Variants in DLAT observed in about 807,000 individuals in gnomAD.
The protein encoded by DLAT is dihydrolipoamide S-acetyltransferase.
A neutral mutation model predicts 68.0 loss-of-function variants in DLAT; 43 were observed. That is an observed-to-expected ratio of 0.63 (90% CI 0.50 to 0.81). The LOEUF is 0.81. Ranked by LOEUF, DLAT falls within the 40% of genes least tolerant of loss-of-function variation. The pLI is 0.00. For missense variants in DLAT, 745 were observed against 815.4 expected, an observed-to-expected ratio of 0.91 and a Z score of 1.05; for synonymous variants, 265 against 288.6, an observed-to-expected ratio of 0.92 and a Z score of 0.83.
Position 112,062,860 on chromosome 11 carries a change from A to G in DLAT, c.*325A>G, listed in dbSNP as rs1864720497. 3.0e-6 allele frequency: 1 copy of G among 330,922 alleles called. No homozygotes were observed. The highest frequency in any genetic ancestry group is 5.8e-6 in the Non-Finnish European group (1 of 171,220). 20.5% of individuals were successfully genotyped at this position (330,922 alleles called of 1,614,324 possible). On this transcript the variant is annotated 3_prime_UTR_variant, in exon 14 of 14. Coordinates refer to ENST00000280346, the MANE Select transcript of DLAT (RefSeq NM_001931.5). ...TAGGTAGAATTGTGGTTCCCTAAAG[A>G]CAAGTACATAAAGGTGACCCTGATG...
rs55866523 is a variant in DLAT at position 112,031,885 on chromosome 11, GTTTTTTTTTT to G, written c.661-1498_661-1489del. Among the ~76,000 whole-genome samples the G allele has an allele frequency of 5.7e-4, 26 of 45,390 alleles. 2 individuals carry two copies. In the East Asian group the frequency reaches 7.8e-3, roughly 14 times the overall value. 29.8% of individuals were successfully genotyped at this position (45,390 alleles called of 152,430 possible). ...ATGAGCCACCATGCTGGTCTTTCCT[GTTTTTTTTTT>G]TTTTTTTTTTTTTTTTTTTTGAGAC... On this transcript the variant is annotated intron_variant, in intron 4 of 13. Coordinates refer to ENST00000280346, the MANE Select transcript of DLAT (RefSeq NM_001931.5).
At chr11:112,030,900 T>A (rs782476839) in intron 4 of DLAT, among the ~76,000 whole-genome samples, 1 of 152,250 alleles carries the variant, frequency 6.6e-6, no homozygotes, top group Non-Finnish European at 1.5e-5. Flanking sequence ...TTGCCAGGTG[T>A]TCAGTTCACA....
chr11:112,054,731 A>G (rs960597601), intron 11 of DLAT, among the ~76,000 whole-genome samples: 3 of 152,208 alleles, frequency 2.0e-5, no homozygotes, highest in Admixed American at 6.5e-5. Context: ...ATTAAAACAA[A>G]TTTATTCTCT....
intron 5 of DLAT, among the ~76,000 whole-genome samples, chr11:112,035,693 G>T (rs9285784): frequency 1 from 151,273 of 151,274 alleles, 75,636 homozygotes; most frequent in Non-Finnish European, 1. Flanking sequence ...TTCACTATGT[G>T]GGCCAGGCTG....
chr11:112,030,120 T>C, intron 4 of DLAT: 1 of 754,104 alleles, frequency 1.3e-6, no homozygotes, highest in South Asian at 1.3e-5. Flanking sequence ...TCCAGTACCA[T>C]CTCCATTAAC....
chr11:112,064,057 A>G lies in DLAT; in HGVS notation c.*1522A>G, dbSNP rs587705788. On this transcript the variant is annotated 3_prime_UTR_variant, in exon 14 of 14. Transcript: ENST00000280346. Reference sequence around the variant, plus strand: ...CTTGCTGTATTATTATGAAAACAATACATTAATTTGATTTTTCAGTAATTA... The same window carrying G: ...CTTGCTGTATTATTATGAAAACAATGCATTAATTTGATTTTTCAGTAATTA... The G allele has an allele frequency of 5.8e-5, 53 of 913,524 alleles. No homozygotes were observed. In the South Asian group the frequency reaches 8.5e-4, roughly 15 times the overall value. 56.6% of individuals were successfully genotyped at this position (913,524 alleles called of 1,614,324 possible). A position where few individuals can be genotyped will look rare whatever the true frequency, so the allele number is the denominator to read the frequency against.
intron 10 of DLAT, among the ~76,000 whole-genome samples, chr11:112,050,469 T>C (rs929744478): frequency 6.6e-6 from 1 of 152,194 alleles, no homozygotes; most frequent in Non-Finnish European, 1.5e-5. Flanking sequence ...TCTTCTTTAA[T>C]ATTTGGTAGA....
intron 5 of DLAT, among the ~76,000 whole-genome samples, chr11:112,036,147 ATATATATGTGTGTGTATATATGTG>A (rs1862719900): frequency 7.4e-6 from 1 of 135,310 alleles, no homozygotes. Flanking sequence ...GTGTGTATAT[ATATATATGTGTGTGTATATATGTG>A]TGTGTGTGTG....
intron 13 of DLAT, 48 bp downstream of exon 13, chr11:112,061,222 T>C: frequency 6.2e-7 from 1 of 1,607,668 alleles, no homozygotes; most frequent in Non-Finnish European, 8.5e-7. Flanking sequence ...TTTATTACAC[T>C]GTACACTTGT....
At chr11:112,033,310 C>A in intron 4 of DLAT, 94 bp from the exon 5 acceptor site, 1 of 1,462,320 alleles carries the variant, frequency 6.8e-7, no homozygotes, top group Non-Finnish European at 9.4e-7. Flanking sequence ...TTATCATAGT[C>A]ACCATCATTC....
At chr11:112,055,681 T>C (rs1218757996) in intron 11 of DLAT, among the ~76,000 whole-genome samples, 1 of 151,980 alleles carries the variant, frequency 6.6e-6, no homozygotes, top group Non-Finnish European at 1.5e-5. Context: ...TGCTTTTAGA[T>C]GCATTCCTTT....
At chr11:112,056,941 C>T (rs1287048456) in intron 11 of DLAT, among the ~76,000 whole-genome samples, 1 of 152,056 alleles carries the variant, frequency 6.6e-6, no homozygotes, top group Non-Finnish European at 1.5e-5. Context: ...TTGTGGCAAC[C>T]CTCTGTCAAG....
In DLAT at chr11:112,025,691, A is replaced by G. The variant is rs140775508; in HGVS notation, c.219A>G (p.Leu73=). Residue 73 remains leucine, a synonymous_variant, in exon 1 of 14, where the codon TTA becomes TTG. Coordinates refer to ENST00000280346, the MANE Select transcript of DLAT (RefSeq NM_001931.5). ...CTGGGGCCACGCCGCGGAACCGCTT[A>G]CTGCTGCAGCTTTTGGGGTCGCCCG... is the stretch of plus-strand genomic sequence containing the variant. The part of the protein sequence containing the change: ...PSSGATPRNR[L]LLQLLGSPGR... The G allele has an allele frequency of 1.9e-6, 3 of 1,612,940 alleles. No individual in the cohort carries two copies. The highest frequency in any genetic ancestry group is 2.5e-6 in the Non-Finnish European group (3 of 1,179,934).
At chr11:112,031,311 T>C (rs188685151) in intron 4 of DLAT, among the ~76,000 whole-genome samples, 2 of 152,326 alleles carry the variant, frequency 1.3e-5, no homozygotes, top group African/African-American at 2.4e-5. Context: ...GCCATATAAA[T>C]AGTAAAGCAA....
intron 11 of DLAT, among the ~76,000 whole-genome samples, chr11:112,058,085 A>T (rs1864219179): frequency 6.6e-6 from 1 of 152,196 alleles, no homozygotes; most frequent in South Asian, 2.1e-4. Context: ...TTCTATACTT[A>T]GATGAAGAAA....
chr11:112,057,209 C>G (rs1864149524), intron 11 of DLAT, among the ~76,000 whole-genome samples: 1 of 152,116 alleles, frequency 6.6e-6, no homozygotes, highest in Non-Finnish European at 1.5e-5. Context: ...ACCAGCTGTT[C>G]CTCTGTCTCT....
chr11:112,031,155 A>T (rs1592664640), intron 4 of DLAT, among the ~76,000 whole-genome samples: 1 of 152,316 alleles, frequency 6.6e-6, no homozygotes, highest in Non-Finnish European at 1.5e-5. Flanking sequence ...AAGCACTTAC[A>T]ATTTTTTTTC....
intron 5 of DLAT, among the ~76,000 whole-genome samples, chr11:112,035,309 A>G (rs1313701336): frequency 4.6e-5 from 7 of 152,138 alleles, no homozygotes; most frequent in Non-Finnish European, 1.0e-4. Context: ...GCTTCCCCAT[A>G]AATTTTATTT....
At chr11:112,059,350 ATTC>A (rs1555182939) in intron 11 of DLAT, among the ~76,000 whole-genome samples, 2 of 138,444 alleles carry the variant, frequency 1.4e-5, no homozygotes, top group Admixed American at 7.4e-5. Flanking sequence ...CACATTTCTC[ATTC>A]TTTTTTTTTT....
Sources: allele counts gnomAD v4.1 joint callset (sites outside exome capture counted in the v4.1 genomes callset), GRCh38; gene constraint gnomAD v4.1.1; transcripts MANE v1.5; gene names NCBI Gene and HGNC (gene_info 2026-07-23, HGNC 2026-07-21).